The following MS4A14 variants were observed in gnomAD, a reference collection of about 807,000 sequenced individuals.
MS4A14 encodes the protein membrane-spanning 4-domains subfamily A member 14.
MS4A14 carries 18 observed loss-of-function variants against 16.7 expected under a neutral mutation model. The observed-to-expected ratio is 1.08, with a 90% confidence interval of 0.75 to 1.60. The LOEUF (loss-of-function observed/expected upper bound fraction) is 1.60. Ranked by LOEUF, MS4A14 falls within the 40% of genes most tolerant of loss-of-function variation. The pLI is 0.00. For missense variants in MS4A14, 812 were observed against 775.3 expected, an observed-to-expected ratio of 1.05 and a Z score of -0.56; for synonymous variants, 305 against 289.4, an observed-to-expected ratio of 1.05 and a Z score of -0.55.
At chr11:60,399,853 C>G (rs7123266) in intron 2 of MS4A14, among the ~76,000 whole-genome samples, 34,604 of 151,840 alleles carry the variant, frequency 0.23, 4,199 homozygotes, top group Non-Finnish European at 0.27. Context: ...TCCCCAAGGT[C>G]CAAGGCCAGT....
chr11:60,398,040 T>C (rs766120804), intron 2 of MS4A14, 60 bp downstream of exon 2: 2 of 1,580,232 alleles, frequency 1.3e-6, no homozygotes, highest in Non-Finnish European at 1.7e-6. Flanking sequence ...TTGAACTGCT[T>C]CACGTCCTAG....
Position 60,408,074 on chromosome 11 carries a change from G to T in MS4A14, c.468+5013G>T, listed in dbSNP as rs186435210. The stretch of plus-strand genomic sequence containing the variant: ...ACTTTCATGTACAGTTGTAGGGTAA[G>T]GTTAGAAGTTAATGCACATCCCCCC... On this transcript the variant is annotated intron_variant, in intron 4 of 4. Transcript: ENST00000300187. Among the ~76,000 whole-genome samples, 15 of 152,022 alleles carry T rather than the reference G, an allele frequency of 9.9e-5. No homozygotes were observed. The East Asian group carries it at 2.9e-3, about 29-fold the overall frequency.
chr11:60,404,181 A>C (rs1276267101), intron 4 of MS4A14, among the ~76,000 whole-genome samples: 2 of 152,216 alleles, frequency 1.3e-5, no homozygotes, highest in African/African-American at 2.4e-5. Flanking sequence ...AAATCTCCAG[A>C]TATATGAAAT....
chr11:60,405,909 G>A lies in MS4A14; in HGVS notation c.468+2848G>A, dbSNP rs1226592528. Reference sequence around the variant, plus strand: ...TGCAGGGAATTTTGTTAATCTTACTGATCATCAGCATAGCAGAGCTCAGCA... The same window carrying A: ...TGCAGGGAATTTTGTTAATCTTACTAATCATCAGCATAGCAGAGCTCAGCA... On this transcript the variant is annotated intron_variant, in intron 4 of 4. Transcript: ENST00000300187. 2.0e-6 allele frequency: 3 copies of A among 1,534,956 alleles called. No homozygotes were observed. The African/African-American group carries it at 4.1e-5, about 21-fold the overall frequency.
chr11:60,406,244 T>G (rs965083390), intron 4 of MS4A14, among the ~76,000 whole-genome samples: 1 of 152,224 alleles, frequency 6.6e-6, no homozygotes, highest in African/African-American at 2.4e-5. Context: ...TAGCTCCTTA[T>G]GTCTCTGCCA....
chr11:60,402,847 C>A, intron 3 of MS4A14, 65 bp from the exon 4 acceptor site: 1 of 1,526,116 alleles, frequency 6.6e-7, no homozygotes. Context: ...CTAAAAATTT[C>A]TTACAAGATA....
chr11:60,402,128 C>A (rs2085722412), intron 3 of MS4A14, among the ~76,000 whole-genome samples: 1 of 152,104 alleles, frequency 6.6e-6, no homozygotes, highest in Non-Finnish European at 1.5e-5. Flanking sequence ...AGATGACCCC[C>A]TTCCTGTAAA....
chr11:60,405,973 A>T (rs976544217), intron 4 of MS4A14: 2 of 1,525,000 alleles, frequency 1.3e-6, no homozygotes, highest in African/African-American at 2.8e-5. Flanking sequence ...CAAGTGCTGG[A>T]CACAGTCAGA....
At chr11:60,408,527 T>TAATATAATATGAATTTGCCTTTTCATA (rs2085822022) in intron 4 of MS4A14, among the ~76,000 whole-genome samples, 1 of 152,202 alleles carries the variant, frequency 6.6e-6, no homozygotes, top group African/African-American at 2.4e-5. Context: ...TTGCCTTTTC[T>TAATATAATATGAATTTGCCTTTTCATA]AGAGACCTCA....
intron 3 of MS4A14, among the ~76,000 whole-genome samples, chr11:60,401,712 GC>G (rs2085716123): frequency 1.3e-5 from 2 of 152,178 alleles, no homozygotes; most frequent in South Asian, 4.1e-4. Context: ...TCTTTGTAAA[GC>G]CCAATACACA....
At position 60,405,928 on chromosome 11, in the gene MS4A14, C is replaced by G. The variant is rs77038741; in HGVS notation, c.468+2867C>G. 3,288 of 1,534,530 alleles carry G rather than the reference C, an allele frequency of 2.1e-3. 62 individuals carry two copies. In the African/African-American group the frequency reaches 0.038, roughly 18 times the overall value. ...CTTACTGATCATCAGCATAGCAGAG[C>G]TCAGCATCTCTGTGACTATTGCATC... On this transcript the variant is annotated intron_variant, in intron 4 of 4. Coordinates refer to ENST00000300187, the MANE Select transcript of MS4A14 (RefSeq NM_032597.5).
intron 4 of MS4A14, among the ~76,000 whole-genome samples, chr11:60,413,548 A>G (rs1038226351): frequency 1.3e-5 from 2 of 151,894 alleles, no homozygotes; most frequent in Admixed American, 1.3e-4. Context: ...TTTCATCTTT[A>G]TCGTATTATC....
chr11:60,412,229 A>G (rs1234243152), intron 4 of MS4A14, among the ~76,000 whole-genome samples: 1 of 151,832 alleles, frequency 6.6e-6, no homozygotes, highest in Non-Finnish European at 1.5e-5. Context: ...TTTTGGTATC[A>G]AGGTAATGGT....
At chr11:60,398,071 T>C (rs2085656407) in intron 2 of MS4A14, 91 bp downstream of exon 2, 1 of 1,439,552 alleles carries the variant, frequency 6.9e-7, no homozygotes, top group Non-Finnish European at 9.3e-7. Context: ...TCCATAAATA[T>C]GGCCCTCCAG....
chr11:60,400,453 T>G lies in MS4A14; in HGVS notation c.317T>G (p.Leu106Arg), dbSNP rs139149393. 1.1e-5 allele frequency: 18 copies of G among 1,600,838 alleles called. No homozygotes were observed. The highest frequency in any genetic ancestry group is 2.7e-5 in the African/African-American group (2 of 74,600). The change falls in exon 3 of 5, where the codon CTG becomes CGG. Residue 106 changes from leucine (L) to arginine (R), a missense_variant and splice_region_variant. Leu to Arg is a moderately radical substitution (Grantham distance 102). Transcript: ENST00000300187. Reference sequence around the variant, plus strand: ...GTAACCGATAAGAAATCAAAACTTCTGGTAAGCCACTTAAACTACATAAAA... The same window carrying G: ...GTAACCGATAAGAAATCAAAACTTCGGGTAAGCCACTTAAACTACATAAAA... ...LTVTDKKSKL[L>R]GQGVTGMNVI...
At position 60,416,237 on chromosome 11, in the gene MS4A14, T is replaced by A. The variant is rs1156474779; in HGVS notation, c.1269T>A (p.His423Gln). The change falls in exon 5 of 5, where the codon CAT becomes CAA. Residue 423 changes from histidine (H) to glutamine (Q), a missense_variant. Physicochemically the swap from His to Gln is conservative, Grantham distance 24 (BLOSUM62 0). Transcript: ENST00000300187. ...TATTACCTGAAGCCTCAACATCCCATATTGTGCAGTTCCCTGAAATACAAC... is the reference window on the plus strand; with the variant it reads ...TATTACCTGAAGCCTCAACATCCCAAATTGTGCAGTTCCCTGAAATACAAC... The part of the protein sequence containing the change: ...HAILPEASTS[H>Q]IVQFPEIQHL... 6.2e-7 allele frequency: 1 copy of A among 1,613,968 alleles called. No individual in the cohort carries two copies. The highest frequency in any genetic ancestry group is 1.7e-5 in the Admixed American group (1 of 59,958).
At chr11:60,411,356 C>G (rs1054473833) in intron 4 of MS4A14, among the ~76,000 whole-genome samples, 1 of 152,118 alleles carries the variant, frequency 6.6e-6, no homozygotes, top group African/African-American at 2.4e-5. Context: ...TTGCTTTGAG[C>G]AGCACTGACA....
In MS4A14 at chr11:60,415,731, C is replaced by G. The variant is rs1175934608; in HGVS notation, c.763C>G (p.Leu255Val). 2 of 1,613,770 alleles carry G rather than the reference C, an allele frequency of 1.2e-6. No homozygotes were observed. The highest frequency in any genetic ancestry group is 1.7e-6 in the Non-Finnish European group (2 of 1,179,896). The change falls in exon 5 of 5, where the codon CTA becomes GTA. Residue 255 changes from leucine to valine, a missense_variant. Leu to Val is a conservative substitution (Grantham distance 32). Transcript: ENST00000300187. ...EEEIEPLPPTLEKKPSENMSI... is the reference protein window; with the variant it reads ...EEEIEPLPPTVEKKPSENMSI... ...AGAAATTGAACCTTTGCCTCCCACA[C>G]TAGAGAAAAAGCCCTCAGAAAATAT...
At chr11:60,413,232 T>C (rs1314124841) in intron 4 of MS4A14, among the ~76,000 whole-genome samples, 1 of 151,916 alleles carries the variant, frequency 6.6e-6, no homozygotes, top group South Asian at 2.1e-4. Context: ...AGCTTTTTTT[T>C]AATAGAGTTT....
Sources: gnomAD v4.1 joint callset for allele counts (sites outside exome capture counted in the v4.1 genomes callset) on GRCh38, gnomAD v4.1.1 for gene constraint, MANE v1.5 for transcripts, NCBI Gene and HGNC (gene_info 2026-07-23, HGNC 2026-07-21) for gene names.